NAV1: variants seen among roughly 807,000 people sequenced by gnomAD.
The protein encoded by NAV1 is neuron navigator 1.
A neutral mutation model predicts 175.2 loss-of-function variants in NAV1; 18 were observed. The ratio of observed to expected loss-of-function variants is 0.10; its 90% CI spans 0.07 to 0.15. The LOEUF is 0.15. Among genes scored for constraint, NAV1 ranks in the 10% least tolerant of loss-of-function variants. The probability of loss-of-function intolerance (pLI) is 1.00; values close to 1 mark genes in which losing one functional copy is unlikely to be tolerated. For synonymous variants in NAV1, 897 were observed against 978.7 expected (o/e 0.92, Z 1.56); for missense variants, 1,731 against 2,436.6 (o/e 0.71, Z 6.10).
At chr1:201,753,083 A>G (rs1674232590) in intron 3 of NAV1, among the ~76,000 whole-genome samples, 2 of 152,076 alleles carry the variant, frequency 1.3e-5, no homozygotes, top group African/African-American at 4.8e-5. Flanking sequence ...GGAATTAGAA[A>G]CTCACACCCC....
intron 1 of NAV1, among the ~76,000 whole-genome samples, chr1:201,552,458 C>G (rs1665883252): frequency 6.6e-6 from 1 of 151,324 alleles, no homozygotes; most frequent in Non-Finnish European, 1.5e-5. Context: ...CTGGCTTGTT[C>G]AGAGGCCACC....
At chr1:201,797,756 T>A (rs1558177630) in intron 15 of NAV1, 1 of 152,250 alleles carries the variant, frequency 6.6e-6, no homozygotes. Context: ...TAAACTGAAT[T>A]GTTTTCTTAA....
At position 201,694,703 on chromosome 1, in the gene NAV1, G is replaced by A. The variant is rs778115329; in HGVS notation, c.758-18114G>A. On this transcript the variant is annotated intron_variant, in intron 1 of 29. Transcript: ENST00000367296. This position sits in a 1 kb window ranked among gnomAD's most constrained non-coding sequence, Gnocchi z 4.2. Reference sequence around the variant, plus strand: ...TGTTCTCTGGGCTCTGTGTTCTGTCGGTTGCTTATTCATTGAAAGTCAGGG... The same window carrying A: ...TGTTCTCTGGGCTCTGTGTTCTGTCAGTTGCTTATTCATTGAAAGTCAGGG... Among the ~76,000 whole-genome samples, 13 of 152,304 alleles carry A rather than the reference G, an allele frequency of 8.5e-5. No individual in the cohort carries two copies. Among genetic ancestry groups the A allele is most frequent in the South Asian group, 4.1e-4 (2 of 4,824 alleles).
intron 3 of NAV1, among the ~76,000 whole-genome samples, chr1:201,753,982 A>G (rs1674297517): frequency 6.6e-6 from 1 of 152,220 alleles, no homozygotes; most frequent in Non-Finnish European, 1.5e-5. Flanking sequence ...AGTGAAGGAA[A>G]GCTGGAATCT....
intron 1 of NAV1, among the ~76,000 whole-genome samples, chr1:201,712,506 G>T (rs1354910314): frequency 6.6e-6 from 1 of 152,210 alleles, no homozygotes; most frequent in African/African-American, 2.4e-5. Context: ...GCTATGAGAA[G>T]CAGGGCCTCC....
intron 2 of NAV1, among the ~76,000 whole-genome samples, chr1:201,600,270 G>A (rs573369857): frequency 6.6e-6 from 1 of 152,298 alleles, no homozygotes; most frequent in South Asian, 2.1e-4. Context: ...GTTTCTCTGT[G>A]ACTTTCTCTT....
intron 1 of NAV1, among the ~76,000 whole-genome samples, chr1:201,685,601 C>T (rs1319611588): frequency 2.0e-5 from 3 of 152,182 alleles, no homozygotes; most frequent in African/African-American, 4.8e-5. Flanking sequence ...GATCCGTTAC[C>T]GCCTGTGGCA....
intron 8 of NAV1, 124 bp from the exon 13 acceptor site, chr1:201,786,305 C>A: frequency 9.7e-7 from 1 of 1,034,078 alleles, no homozygotes; most frequent in Non-Finnish European, 1.4e-6. Context: ...TGACCACTCC[C>A]TCTTTTCCAT....
Position 201,713,093 on chromosome 1 carries a change from T to TG in NAV1, c.860+176dup, listed in dbSNP as rs1314012667. The stretch of plus-strand genomic sequence containing the variant: ...TCCATTTATCTCAACAAGAGAAGCT[T>TG]GGCTTTGTCTTCTGTCTGCTTGTGC... On this transcript the variant is annotated intron_variant, in intron 2 of 29. Transcript: ENST00000367296. Among the ~76,000 whole-genome samples the TG allele has an allele frequency of 2.0e-5, 3 of 152,326 alleles. No homozygotes were observed. In the East Asian group the frequency reaches 5.8e-4, roughly 29 times the overall value.
chr1:201,701,625 A>C (rs114400302), intron 1 of NAV1, among the ~76,000 whole-genome samples: 2,875 of 152,308 alleles, frequency 0.019, 94 homozygotes, highest in African/African-American at 0.066. Flanking sequence ...AGTTAACTTA[A>C]ATCTAAAAGA....
At chr1:201,765,592 A>G (rs1675166952) in intron 3 of NAV1, among the ~76,000 whole-genome samples, 1 of 151,868 alleles carries the variant, frequency 6.6e-6, no homozygotes, top group African/African-American at 2.4e-5. Context: ...ACGGGGTTTC[A>G]CCATGTTGCC....
chr1:201,771,360 A>G (rs534877768), intron 3 of NAV1, among the ~76,000 whole-genome samples: 10 of 151,004 alleles, frequency 6.6e-5, no homozygotes, highest in Middle Eastern at 3.5e-3. Context: ...AAAATACAAA[A>G]ATTGGCCGGG....
chr1:201,604,573 T>A (rs1667617646), intron 2 of NAV1, among the ~76,000 whole-genome samples: 1 of 150,736 alleles, frequency 6.6e-6, no homozygotes. Context: ...TCCCAGCTAC[T>A]CGGGAGGCTG....
intron 3 of NAV1, among the ~76,000 whole-genome samples, chr1:201,747,619 G>A (rs1280744999): frequency 6.6e-6 from 1 of 152,192 alleles, no homozygotes; most frequent in African/African-American, 2.4e-5. Context: ...TTGAAAAGCA[G>A]TGCTTGAGTG....
chr1:201,573,254 G>T (rs1346905555), intron 1 of NAV1, among the ~76,000 whole-genome samples: 3 of 152,262 alleles, frequency 2.0e-5, no homozygotes, highest in African/African-American at 7.2e-5. Context: ...GCTGACCCTG[G>T]AGTGCTGATT....
At chr1:201,703,610 G>A (rs985795956) in intron 1 of NAV1, among the ~76,000 whole-genome samples, 1 of 152,228 alleles carries the variant, frequency 6.6e-6, no homozygotes, top group African/African-American at 2.4e-5. Flanking sequence ...TGATCTTGTT[G>A]CTAAATATTA....
At chr1:201,641,380 T>C (rs959423376) in intron 2 of NAV1, among the ~76,000 whole-genome samples, 1 of 152,136 alleles carries the variant, frequency 6.6e-6, no homozygotes, top group African/African-American at 2.4e-5. Context: ...GCAGCCAAAG[T>C]GGCCTTTTCA....
At chr1:201,578,185 G>A (rs1179463690) in intron 1 of NAV1, among the ~76,000 whole-genome samples, 1 of 151,920 alleles carries the variant, frequency 6.6e-6, no homozygotes, top group Admixed American at 6.6e-5. Flanking sequence ...TTTTGTTTTG[G>A]TCTATTTTCT....
intron 1 of NAV1, among the ~76,000 whole-genome samples, chr1:201,693,504 G>A (rs1306307243): frequency 6.6e-6 from 1 of 152,214 alleles, no homozygotes; most frequent in African/African-American, 2.4e-5. Flanking sequence ...TCTAGTGGAG[G>A]AGACAAGACC....
Sources: gnomAD v4.1 joint callset for allele counts (sites outside exome capture counted in the v4.1 genomes callset) on GRCh38, gnomAD v4.1.1 for gene constraint, Gnocchi (gnomAD v3.1) non-coding constraint, MANE v1.5 for transcripts, NCBI Gene and HGNC (gene_info 2026-07-23, HGNC 2026-07-21) for gene names.